The following NTN4 variants were observed in gnomAD, a reference collection of about 807,000 sequenced individuals.
The protein encoded by NTN4 is netrin 4.
NTN4 carries 32 observed loss-of-function variants against 73.6 expected under a neutral mutation model. That is an observed-to-expected ratio of 0.44 (90% CI 0.33 to 0.58). The LOEUF is 0.58. Among genes scored for constraint, NTN4 ranks in the 20% least tolerant of loss-of-function variants. The probability of loss-of-function intolerance (pLI) is 0.04; values close to 1 mark genes in which losing one functional copy is unlikely to be tolerated. For synonymous variants in NTN4, 258 were observed against 287.5 expected (o/e 0.90, Z 1.04); for missense variants, 654 against 798.3 (o/e 0.82, Z 2.18).
chr12:95,683,081 C>T (rs985204140), intron 6 of NTN4, among the ~76,000 whole-genome samples: 17 of 133,884 alleles, frequency 1.3e-4, no homozygotes, highest in Admixed American at 1.5e-4. Flanking sequence ...TGTTTTAAAA[C>T]GGAGTTTTAC....
intron 5 of NTN4, among the ~76,000 whole-genome samples, chr12:95,688,659 C>T (rs79039446): frequency 0.022 from 3,354 of 151,610 alleles, 127 homozygotes; most frequent in African/African-American, 0.077. Flanking sequence ...TTCCCAGGGA[C>T]GGTGTGTAGA....
At chr12:95,670,749 A>G (rs1175578973) in intron 7 of NTN4, among the ~76,000 whole-genome samples, 3 of 150,546 alleles carry the variant, frequency 2.0e-5, no homozygotes, top group Non-Finnish European at 3.0e-5. Flanking sequence ...TGGGAGAGGT[A>G]CAATATACTT....
At chr12:95,696,824 A>AT (rs1376148950) in intron 5 of NTN4, among the ~76,000 whole-genome samples, 1 of 152,168 alleles carries the variant, frequency 6.6e-6, no homozygotes, top group Admixed American at 6.5e-5. Flanking sequence ...GAGCAAGACT[A>AT]TATCCTATAT....
At chr12:95,770,923 A>G (rs541713947) in intron 2 of NTN4, among the ~76,000 whole-genome samples, 5 of 152,272 alleles carry the variant, frequency 3.3e-5, no homozygotes, top group East Asian at 3.9e-4. Flanking sequence ...GAAATATGAC[A>G]TAGAAAGAAG....
In NTN4 at chr12:95,670,111, C is replaced by T; in HGVS notation, c.1546G>A (p.Ala516Thr). 6.3e-7 allele frequency: 1 copy of T among 1,596,202 alleles called. No homozygotes were observed. Among genetic ancestry groups the T allele is most frequent in the Non-Finnish European group, 8.5e-7 (1 of 1,170,064 alleles). Residue 516 changes from alanine to threonine, a missense_variant, in exon 8 of 10, where the codon GCC (alanine) becomes ACC (threonine). Ala to Thr is a moderately conservative substitution (Grantham distance 58, BLOSUM62 0). Coordinates refer to ENST00000343702, the MANE Select transcript of NTN4 (RefSeq NM_021229.4). ...CECKEQTLGN[A>T]KAFCGMKYSY... ...TATTTCATTCCACAGAATGCCTTGG[C>T]ATTTCCTAATGTCTGTTCCTTACAT... is the stretch of plus-strand genomic sequence containing the variant.
chr12:95,708,652 T>TC (rs1440977149), intron 5 of NTN4, among the ~76,000 whole-genome samples: 1 of 152,052 alleles, frequency 6.6e-6, no homozygotes, highest in African/African-American at 2.4e-5. Context: ...CAAGTGATCC[T>TC]CCCACCTCAG....
rs898821214 is a variant in NTN4 at position 95,708,433 on chromosome 12, G to A, written c.1180+2008C>T. 6.6e-5 allele frequency among the ~76,000 whole-genome samples: 10 copies of A among 151,698 alleles called. No homozygotes were observed. The South Asian group carries it at 1.3e-3, about 19-fold the overall frequency. On this transcript the variant is annotated intron_variant, in intron 5 of 9. Coordinates refer to ENST00000343702, the MANE Select transcript of NTN4 (RefSeq NM_021229.4). ...CTCCCGAGTAGCTGGAACTACAGGC[G>A]CCCGCCACCACGCCCGGCTAATTTT...
At chr12:95,701,223 C>T (rs1319839417) in intron 5 of NTN4, among the ~76,000 whole-genome samples, 2 of 152,160 alleles carry the variant, frequency 1.3e-5, no homozygotes, top group Non-Finnish European at 1.5e-5. Flanking sequence ...AAGAGACTAT[C>T]CACTTTTTGA....
At chr12:95,769,058 G>A (rs1309339686) in intron 2 of NTN4, among the ~76,000 whole-genome samples, 1 of 152,218 alleles carries the variant, frequency 6.6e-6, no homozygotes, top group African/African-American at 2.4e-5. Flanking sequence ...GAAGAGAGAA[G>A]CTTTGAGAGT....
chr12:95,669,921 C>G (rs1324401159), intron 8 of NTN4, among the ~76,000 whole-genome samples, 157 bp downstream of exon 8: 1 of 152,206 alleles, frequency 6.6e-6, no homozygotes, highest in African/African-American at 2.4e-5. Flanking sequence ...AAATCTAGCT[C>G]AAGACCAGAA....
chr12:95,691,170 C>T (rs964093670), intron 5 of NTN4, among the ~76,000 whole-genome samples: 2 of 152,242 alleles, frequency 1.3e-5, no homozygotes, highest in African/African-American at 2.4e-5. Flanking sequence ...ATATCTGACA[C>T]ATACAATCTA....
At chr12:95,668,454 T>C (rs138858899) in intron 8 of NTN4, among the ~76,000 whole-genome samples, 3 of 134,100 alleles carry the variant, frequency 2.2e-5, no homozygotes, top group South Asian at 2.7e-4. Context: ...CTTTCCTTTA[T>C]TGAGCGCTGT....
intron 5 of NTN4, among the ~76,000 whole-genome samples, chr12:95,689,761 T>C (rs745897833): frequency 1.3e-5 from 2 of 152,252 alleles, no homozygotes; most frequent in African/African-American, 2.4e-5. Context: ...TTAGAAATCA[T>C]TCCTTATTCC....
At chr12:95,727,664 A>G (rs1422046738) in intron 3 of NTN4, among the ~76,000 whole-genome samples, 1 of 152,204 alleles carries the variant, frequency 6.6e-6, no homozygotes, top group Non-Finnish European at 1.5e-5. Context: ...TTATATGCCT[A>G]TCCTTTGGCC....
chr12:95,772,175 G>A (rs539339387), intron 2 of NTN4, among the ~76,000 whole-genome samples: 1 of 152,044 alleles, frequency 6.6e-6, no homozygotes, highest in African/African-American at 2.4e-5. Flanking sequence ...AAGTAGCTGG[G>A]ACTACAGGTG....
intron 3 of NTN4, among the ~76,000 whole-genome samples, chr12:95,734,054 A>G (rs1288709015): frequency 7.0e-6 from 1 of 142,446 alleles, no homozygotes; most frequent in African/African-American, 2.6e-5. Context: ...TGGGTGACAG[A>G]GCAAGACTCC....
intron 2 of NTN4, among the ~76,000 whole-genome samples, chr12:95,754,568 C>T (rs894956776): frequency 6.6e-6 from 1 of 152,112 alleles, no homozygotes; most frequent in African/African-American, 2.4e-5. Flanking sequence ...AAAGGCCCTG[C>T]CCCGCCTTAA....
chr12:95,713,175 A>T, intron 4 of NTN4, 37 bp downstream of exon 4: 1 of 1,595,598 alleles, frequency 6.3e-7, no homozygotes, highest in African/African-American at 1.3e-5. Flanking sequence ...TTGACTTTAC[A>T]AAGAAAGCTT....
intron 2 of NTN4, among the ~76,000 whole-genome samples, chr12:95,767,807 T>C (rs11108246): frequency 0.33 from 49,983 of 152,006 alleles, 8,663 homozygotes; most frequent in East Asian, 0.53. Context: ...TCCATCTAAA[T>C]GGGAACCCTT....
Sources: gnomAD v4.1 joint callset for allele counts (sites outside exome capture counted in the v4.1 genomes callset) on GRCh38, gnomAD v4.1.1 for gene constraint, MANE v1.5 for transcripts, NCBI Gene and HGNC (gene_info 2026-07-23, HGNC 2026-07-21) for gene names.